Variants in UBE2G1 observed in about 807,000 individuals in gnomAD.
UBE2G1 encodes the protein ubiquitin conjugating enzyme E2 G1.
UBE2G1 carries 5 observed loss-of-function variants against 22.7 expected under a neutral mutation model. That is an observed-to-expected ratio of 0.22 (90% CI 0.12 to 0.46). The LOEUF is 0.46. Among genes scored for constraint, UBE2G1 ranks in the 20% least tolerant of loss-of-function variants. The pLI, the probability that UBE2G1 is intolerant of heterozygous loss-of-function variation, is 0.99. For synonymous variants in UBE2G1, 74 were observed against 67.5 expected (o/e 1.10, Z -0.47); for missense variants, 88 against 203.9 (o/e 0.43, Z 3.46).
chr17:4,300,935 A>G (rs62064444), intron 2 of UBE2G1, among the ~76,000 whole-genome samples: 3 of 150,310 alleles, frequency 2.0e-5, no homozygotes, highest in Non-Finnish European at 3.0e-5. Context: ...TCTGTTTTCA[A>G]ACAAAAAAAA....
chr17:4,270,485 G>A lies in UBE2G1; in HGVS notation c.*2069C>T, dbSNP rs1478932265. 6.6e-6 allele frequency: 1 copy of A among 151,008 alleles called. No individual in the cohort carries two copies. Among genetic ancestry groups the A allele is most frequent in the Non-Finnish European group, 1.5e-5 (1 of 68,098 alleles). 9.4% of individuals were successfully genotyped at this position (151,008 alleles called of 1,614,324 possible). A position where few individuals can be genotyped will look rare whatever the true frequency, so the allele number is the denominator to read the frequency against. On this transcript the variant is annotated 3_prime_UTR_variant, in exon 6 of 6. Transcript: ENST00000396981. ...GATCACTTGAGCCCAGGAGGTCAAA[G>A]CTGCAGTTAGCTATGATCGTTGCCA...
chr17:4,359,720 C>T (rs918222392), intron 1 of UBE2G1, among the ~76,000 whole-genome samples: 4 of 152,056 alleles, frequency 2.6e-5, no homozygotes, highest in East Asian at 3.9e-4. Context: ...GGGGTGGTGG[C>T]GTGTGCCTGT....
intron 1 of UBE2G1, among the ~76,000 whole-genome samples, chr17:4,314,935 T>A (rs573192814): frequency 6.6e-6 from 1 of 152,164 alleles, no homozygotes; most frequent in African/African-American, 2.4e-5. Flanking sequence ...AAGAGAGAAA[T>A]GAATTCAAAC....
At chr17:4,360,251 A>G (rs1160811906) in intron 1 of UBE2G1, among the ~76,000 whole-genome samples, 1 of 152,234 alleles carries the variant, frequency 6.6e-6, no homozygotes, top group Admixed American at 6.5e-5. Flanking sequence ...AATCTAAAAA[A>G]AAGGTTTCAA....
chr17:4,291,477 T>C (rs1465844318), intron 3 of UBE2G1, among the ~76,000 whole-genome samples: 1 of 152,152 alleles, frequency 6.6e-6, no homozygotes, highest in Non-Finnish European at 1.5e-5. Context: ...GTAATAAGGA[T>C]TTTTTCCAAG....
intron 1 of UBE2G1, among the ~76,000 whole-genome samples, chr17:4,347,469 CTTTTTTTTTT>C (rs34014821): frequency 3.3e-5 from 3 of 89,556 alleles, no homozygotes; most frequent in African/African-American, 4.8e-5. Context: ...AGTATTTCTT[CTTTTTTTTTT>C]TTTTTTTTTT....
chr17:4,316,264 C>T (rs1969371043), intron 1 of UBE2G1, among the ~76,000 whole-genome samples: 7 of 152,150 alleles, frequency 4.6e-5, no homozygotes, highest in Admixed American at 4.6e-4. Context: ...ACACAGTTGG[C>T]TGCAAGGTAT....
intron 1 of UBE2G1, among the ~76,000 whole-genome samples, chr17:4,328,967 G>A (rs1320107175): frequency 2.0e-5 from 3 of 152,018 alleles, no homozygotes; most frequent in African/African-American, 4.8e-5. Flanking sequence ...TTAGCCAGGC[G>A]TGGTGGCGGA....
chr17:4,275,883 G>A (rs1247853386), intron 5 of UBE2G1, among the ~76,000 whole-genome samples: 2 of 152,136 alleles, frequency 1.3e-5, no homozygotes, highest in Non-Finnish European at 2.9e-5. Flanking sequence ...CACTGGGACC[G>A]TGCTGCTCGT....
intron 1 of UBE2G1, among the ~76,000 whole-genome samples, chr17:4,316,764 C>A (rs934076769): frequency 6.6e-6 from 1 of 151,680 alleles, no homozygotes; most frequent in African/African-American, 2.4e-5. Flanking sequence ...GTGGGAGGAT[C>A]GCTTAAGGGC....
chr17:4,312,366 C>A (rs920613519), intron 1 of UBE2G1, among the ~76,000 whole-genome samples: 2 of 152,050 alleles, frequency 1.3e-5, no homozygotes, highest in African/African-American at 4.8e-5. Context: ...GGGGATGTAA[C>A]CGAATGAATT....
At chr17:4,365,453 G>A (rs889287881) in intron 1 of UBE2G1, among the ~76,000 whole-genome samples, 1 of 152,228 alleles carries the variant, frequency 6.6e-6, no homozygotes, top group Non-Finnish European at 1.5e-5. Context: ...TGGGGGAGGG[G>A]GGCCGCAGGC....
At chr17:4,339,919 T>C (rs1324137826) in intron 1 of UBE2G1, among the ~76,000 whole-genome samples, 1 of 152,116 alleles carries the variant, frequency 6.6e-6, no homozygotes, top group African/African-American at 2.4e-5. Context: ...CTCTTTTCCT[T>C]TTTCTTTTCT....
intron 1 of UBE2G1, among the ~76,000 whole-genome samples, chr17:4,357,521 T>G (rs796286842): frequency 0.26 from 3,684 of 13,962 alleles, 22 homozygotes; most frequent in Non-Finnish European, 0.33. Flanking sequence ...GGGGGGGGGG[T>G]GGGTGTATAA....
At chr17:4,299,433 A>G (rs1378601266) in intron 2 of UBE2G1, among the ~76,000 whole-genome samples, 3 of 152,198 alleles carry the variant, frequency 2.0e-5, no homozygotes, top group Non-Finnish European at 4.4e-5. Flanking sequence ...GTAAAAGGAC[A>G]TCAAAGCCAC....
At chr17:4,359,774 C>G (rs937158368) in intron 1 of UBE2G1, among the ~76,000 whole-genome samples, 22 of 151,660 alleles carry the variant, frequency 1.5e-4, no homozygotes, top group African/African-American at 5.3e-4. Context: ...ATCACTTGAA[C>G]CCGGGAGGCA....
rs111794392 is a variant in UBE2G1, at chr17:4,275,847, C to T, written c.*38-3331G>A. ...GCCACCCAGTGTACTCCTGCTCCGT[C>T]ACCAATCCGCTGACTTTTTCCCCCA... On this transcript the variant is annotated intron_variant, in intron 5 of 5. Coordinates refer to ENST00000396981, the MANE Select transcript of UBE2G1 (RefSeq NM_003342.5). Among the ~76,000 whole-genome samples the T allele has an allele frequency of 9.5e-4, 144 of 152,306 alleles. 1 individual carries two copies. The highest frequency in any genetic ancestry group is 3.2e-3 in the African/African-American group (135 of 41,564).
At chr17:4,294,433 A>AAAAAAAAAAAAAAAAAAAAAAAAAAAAAC (rs1969082199) in intron 3 of UBE2G1, among the ~76,000 whole-genome samples, 1 of 137,580 alleles carries the variant, frequency 7.3e-6, no homozygotes, top group African/African-American at 2.9e-5. Flanking sequence ...AAAAAAAAAA[A>AAAAAAAAAAAAAAAAAAAAAAAAAAAAAC]AAAAAAAGAA....
chr17:4,320,763 C>T (rs1029040394), intron 1 of UBE2G1, among the ~76,000 whole-genome samples: 8 of 152,058 alleles, frequency 5.3e-5, no homozygotes, highest in Admixed American at 1.3e-4. Flanking sequence ...ACTTAGGCTA[C>T]ACCACCATAT....
Sources: allele counts gnomAD v4.1 joint callset (sites outside exome capture counted in the v4.1 genomes callset), GRCh38; gene constraint gnomAD v4.1.1; transcripts MANE v1.5; gene names NCBI Gene and HGNC (gene_info 2026-07-23, HGNC 2026-07-21).